The following NUBP2 variants were observed in gnomAD, a reference collection of about 807,000 sequenced individuals.
NUBP2 encodes cytosolic Fe-S cluster assembly factor NUBP2.
In NUBP2, 23 loss-of-function variants were observed where a neutral mutation model predicts 24.9. That is an observed-to-expected ratio of 0.92 (90% confidence interval 0.66 to 1.31). The LOEUF (loss-of-function observed/expected upper bound fraction) is 1.31. NUBP2 is among the 50% of genes most tolerant of loss of function. NUBP2 has a pLI of 0.00. For synonymous variants in NUBP2, 186 were observed against 170.9 expected (o/e 1.09, Z -0.69); for missense variants, 403 against 386.5 (o/e 1.04, Z -0.36).
At chr16:1,787,637 C>T (rs1190485981) in intron 3 of NUBP2, 40 bp from the exon 4 acceptor site, 4 of 1,602,350 alleles carry the variant, frequency 2.5e-6, no homozygotes, top group Non-Finnish European at 3.4e-6. Context: ...GTGTGCAGAC[C>T]TGCCCTGCCC....
intron 1 of NUBP2, chr16:1,784,117 G>A (rs1391043205): frequency 8.9e-5 from 73 of 823,928 alleles, no homozygotes; most frequent in Admixed American, 3.1e-4. Context: ...TTTGAGACAG[G>A]GTCTTAACTG....
At position 1,788,282 on chromosome 16, in the gene NUBP2, C is replaced by A. The variant is rs1897085901; in HGVS notation, c.670+75C>A. 1.6e-5 allele frequency: 21 copies of A among 1,329,496 alleles called. No homozygotes were observed. In the South Asian group the frequency reaches 3.1e-4, roughly 20 times the overall value. The allele number at this position is 1,329,496 out of a possible 1,614,324, so 82.4% of individuals were successfully genotyped here. A position where few individuals can be genotyped will look rare whatever the true frequency, so the allele number is the denominator to read the frequency against. ...GCCCTGGGCGGGTTTGACCTCCATG[C>A]CCCCAGTGCCCAAGGGAGAGGAGGG... On this transcript the variant is annotated intron_variant, in intron 6 of 6. Transcript: ENST00000262302.
At chr16:1,783,108 C>G in intron 1 of NUBP2, 72 bp downstream of exon 1, 1 of 1,219,814 alleles carries the variant, frequency 8.2e-7, no homozygotes, top group Non-Finnish European at 1.0e-6. Flanking sequence ...CTTCCCGGGG[C>G]GGCCTCGCTG....
chr16:1,785,803 G>A (rs770550126), intron 1 of NUBP2: 86 of 1,289,130 alleles, frequency 6.7e-5, no homozygotes, highest in Non-Finnish European at 7.8e-5. Flanking sequence ...CAGGTTTTAC[G>A]CATCATGTGT....
chr16:1,787,524 CAGGGCCTCCCG>C, intron 3 of NUBP2, 142 bp from the exon 4 acceptor site: 1 of 1,017,224 alleles, frequency 9.8e-7, no homozygotes, highest in Middle Eastern at 3.3e-4. Context: ...TGCAGCGGGC[CAGGGCCTCCCG>C]AGAGCCTGTG....
chr16:1,786,634 A>G lies in NUBP2; in HGVS notation c.114A>G (p.Ala38=). The G allele has an allele frequency of 6.2e-7, 1 of 1,612,810 alleles. No individual in the cohort carries two copies. The highest frequency in any genetic ancestry group is 1.1e-5 in the South Asian group (1 of 91,084). Residue 38 remains alanine, a synonymous_variant, in exon 2 of 7, where the codon GCA becomes GCG. Coordinates refer to ENST00000262302, the MANE Select transcript of NUBP2 (RefSeq NM_012225.4). ...CCATCTCCACGGAGCTGGCCCTGGC[A>G]CTGCGCCATGCAGGCAAGAAGGTGA... is the stretch of plus-strand genomic sequence containing the variant. The part of the protein sequence containing the change: ...KSTISTELAL[A]LRHAGKKVGI...
chr16:1,785,311 C>T (rs1413553657), intron 1 of NUBP2: 1 of 1,062,688 alleles, frequency 9.4e-7, no homozygotes, highest in Non-Finnish European at 1.1e-6. Flanking sequence ...CTTGGGGGAA[C>T]CCTCAGGGTT....
In NUBP2 at chr16:1,788,131, C is replaced by T. The variant is rs902577029; in HGVS notation, c.601-7C>T. The T allele has an allele frequency of 4.0e-5, 62 of 1,550,586 alleles. No homozygotes were observed. Among genetic ancestry groups the T allele is most frequent in the Non-Finnish European group, 5.1e-5 (59 of 1,153,232 alleles). ...TGGGCAGTGCTGGGCTCACCACCGT[C>T]TCCTAGGAGTGCACCAGCGTCTTCT... On this transcript the variant is annotated splice_polypyrimidine_tract_variant and splice_region_variant and intron_variant, in intron 5 of 6. Transcript: ENST00000262302.
rs150668442 is a variant in NUBP2, at chr16:1,786,882, C to G, written c.261C>G (p.Ile87Met). ...APVFLDREQS[I>M]SLMSVGFLLE... ...TCTTCCTGGACCGGGAGCAGAGCAT[C>G]TCGCTCATGTCTGTGGGCTTCCTGC... Residue 87 changes from isoleucine to methionine, a missense_variant, in exon 3 of 7, where the codon ATC becomes ATG. Ile to Met is a conservative substitution (Grantham distance 10, BLOSUM62 1). Coordinates refer to ENST00000262302, the MANE Select transcript of NUBP2 (RefSeq NM_012225.4). 20 of 1,578,108 alleles carry G rather than the reference C, an allele frequency of 1.3e-5. No individual in the cohort carries two copies. The highest frequency in any genetic ancestry group is 6.9e-5 in the Admixed American group (4 of 57,920).
intron 2 of NUBP2, 48 bp downstream of exon 2, chr16:1,786,703 A>G (rs1462555686): frequency 1.9e-6 from 3 of 1,611,604 alleles, no homozygotes; most frequent in Non-Finnish European, 2.5e-6. Flanking sequence ...AGCTGCCCGC[A>G]TCCCGGTGGA....
chr16:1,786,451 G>C lies in NUBP2; in HGVS notation c.17-86G>C, dbSNP rs893878019. On this transcript the variant is annotated intron_variant, in intron 1 of 6. Transcript: ENST00000262302. ...TTCACCACTGCCCCGCTCAGAACGT[G>C]GGTGCAAGAGGCAGTGGGTGACCCC... is the stretch of plus-strand genomic sequence containing the variant. The C allele has an allele frequency of 3.3e-5, 38 of 1,157,248 alleles. No individual in the cohort carries two copies. The African/African-American group carries it at 5.5e-4, about 17-fold the overall frequency. The allele number at this position is 1,157,248 out of a possible 1,614,324, so 71.7% of individuals were successfully genotyped here. A position where few individuals can be genotyped will look rare whatever the true frequency, so the allele number is the denominator to read the frequency against.
At chr16:1,783,595 A>G in intron 1 of NUBP2, 1 of 679,686 alleles carries the variant, frequency 1.5e-6, no homozygotes, top group Non-Finnish European at 1.8e-6. Context: ...TGGGAGCCGC[A>G]TTTATCTTCT....
intron 1 of NUBP2, chr16:1,784,873 G>GAA (rs200897622): frequency 4.2e-5 from 6 of 142,926 alleles, no homozygotes; most frequent in Non-Finnish European, 7.5e-5. Flanking sequence ...CAGTCTCTAC[G>GAA]AAAAAAATAA....
In NUBP2 at chr16:1,783,035, C is replaced by G. The variant is rs533607526; in HGVS notation, c.15C>G (p.Ala5=). Residue 5 remains alanine, a splice_region_variant and synonymous_variant, in exon 1 of 7, where the codon GCC becomes GCG. Transcript: ENST00000262302. The part of the protein sequence containing the change: MEAA[A]EPGNLAGVRH... ...GAGGCGGCGGGATGGAGGCGGCGGC[C>G]GGTGAGTGGCGGGCCAGGGTGCGGA... 2.9e-6 allele frequency: 4 copies of G among 1,359,680 alleles called. No homozygotes were observed. The Admixed American group carries it at 1.0e-4, about 34-fold the overall frequency. 84.2% of individuals were successfully genotyped at this position (1,359,680 alleles called of 1,614,324 possible).
Position 1,783,845 on chromosome 16 carries a change from C to T in NUBP2, c.16+809C>T, listed in dbSNP as rs367727714. ...AGTAGCTGTGACTACAGGCGCCCGC[C>T]ACCACGCCCGGCTAATTTTTTGTAT... On this transcript the variant is annotated intron_variant, in intron 1 of 6. Transcript: ENST00000262302. 1,249 of 196,658 alleles carry T rather than the reference C, an allele frequency of 6.4e-3. 21 individuals are homozygous for T. Among genetic ancestry groups the T allele is most frequent in the African/African-American group, 0.028 (1,203 of 42,300 alleles). The allele number at this position is 196,658 out of a possible 1,614,324, so 12.2% of individuals were successfully genotyped here. A position where few individuals can be genotyped will look rare whatever the true frequency, so the allele number is the denominator to read the frequency against.
intron 1 of NUBP2, chr16:1,785,704 C>CT: frequency 7.8e-7 from 1 of 1,289,068 alleles, no homozygotes; most frequent in Non-Finnish European, 1.0e-6. Context: ...CTCTGTAGGT[C>CT]TGAGGACCCG....
chr16:1,788,548 C>T lies in NUBP2; in HGVS notation c.671-21C>T, dbSNP rs373685550. 65 of 1,585,666 alleles carry T rather than the reference C, an allele frequency of 4.1e-5. No homozygotes were observed. The African/African-American group carries it at 5.1e-4, about 12-fold the overall frequency. ...GTGGAAGGTGCGGACATGGCGCCAC[C>T]GCCTCCACTGTGCCCTGCAGGCTCC... On this transcript the variant is annotated intron_variant, in intron 6 of 6. Transcript: ENST00000262302.
In NUBP2 at chr16:1,788,828, C is replaced by T. The variant is rs1897125275; in HGVS notation, c.*114C>T. 6.8e-6 allele frequency: 9 copies of T among 1,325,210 alleles called. No individual in the cohort carries two copies. Among genetic ancestry groups the T allele is most frequent in the South Asian group, 3.1e-5 (2 of 63,718 alleles). 82.1% of individuals were successfully genotyped at this position (1,325,210 alleles called of 1,614,324 possible). ...GCCCTGCAGGGGCAGGCCCAGGCAG[C>T]GTCAGCCGGAGAGCTTCTCCCCGAC... On this transcript the variant is annotated 3_prime_UTR_variant, in exon 7 of 7. Coordinates refer to ENST00000262302, the MANE Select transcript of NUBP2 (RefSeq NM_012225.4).
At chr16:1,788,379 C>T (rs567856851) in intron 6 of NUBP2, among the ~76,000 whole-genome samples, 172 bp downstream of exon 6, 11 of 152,288 alleles carry the variant, frequency 7.2e-5, no homozygotes, top group South Asian at 2.1e-4. Flanking sequence ...CATTCGCCCG[C>T]GCCCTTCTCA....
Sources: gnomAD v4.1 joint callset for allele counts (sites outside exome capture counted in the v4.1 genomes callset) on GRCh38, gnomAD v4.1.1 for gene constraint, MANE v1.5 for transcripts, NCBI Gene and HGNC (gene_info 2026-07-23, HGNC 2026-07-21) for gene names.